NR3C2: variants seen among roughly 807,000 people sequenced by gnomAD.
NR3C2 encodes mineralocorticoid receptor.
A neutral mutation model predicts 86.4 loss-of-function variants in NR3C2; 15 were observed. The observed-to-expected ratio is 0.17, with a 90% CI of 0.12 to 0.27. NR3C2 has a LOEUF of 0.27. Among genes scored for constraint, NR3C2 ranks in the 10% least tolerant of loss-of-function variants. The pLI is 1.00. For synonymous variants in NR3C2, 458 were observed against 450.5 expected (o/e 1.02, Z -0.21); for missense variants, 960 against 1,195.6 (o/e 0.80, Z 2.91).
At chr4:148,147,733 A>C (rs2149759938) in intron 6 of NR3C2, among the ~76,000 whole-genome samples, 1 of 152,358 alleles carries the variant, frequency 6.6e-6, no homozygotes, top group Non-Finnish European at 1.5e-5. Context: ...TTTACACAAA[A>C]TGCCAGATTG....
chr4:148,123,140 T>A (rs191893386), intron 6 of NR3C2, among the ~76,000 whole-genome samples: 23 of 152,238 alleles, frequency 1.5e-4, no homozygotes, highest in Non-Finnish European at 1.6e-4. Flanking sequence ...TGGGAATGTA[T>A]GTCTTATGCG....
intron 6 of NR3C2, among the ~76,000 whole-genome samples, chr4:148,145,368 G>A (rs1187043250): frequency 3.3e-5 from 5 of 152,204 alleles, no homozygotes; most frequent in African/African-American, 9.6e-5. Context: ...GAGAAGGGAC[G>A]CAATCTCCCG....
At chr4:148,215,945 AT>A (rs540717776) in intron 3 of NR3C2, among the ~76,000 whole-genome samples, 2 of 151,144 alleles carry the variant, frequency 1.3e-5, no homozygotes. Flanking sequence ...ACGCCTAGCT[AT>A]TTTTTTTGTG....
chr4:148,288,573 T>C (rs749881658), intron 2 of NR3C2, among the ~76,000 whole-genome samples: 4 of 152,234 alleles, frequency 2.6e-5, no homozygotes, highest in Admixed American at 1.3e-4. Flanking sequence ...CGCCAGCCAA[T>C]TGCTCTGGAG....
At chr4:148,129,887 C>T (rs1051790388) in intron 6 of NR3C2, among the ~76,000 whole-genome samples, 1 of 152,138 alleles carries the variant, frequency 6.6e-6, no homozygotes, top group Non-Finnish European at 1.5e-5. Context: ...TGTAAGCCAC[C>T]GCACCCAGCC....
At position 148,442,242 on chromosome 4, in the gene NR3C2, C is replaced by A. The variant is rs1175960452; in HGVS notation, c.-85G>T. 2.0e-5 allele frequency: 3 copies of A among 153,014 alleles called. No individual in the cohort carries two copies. Among genetic ancestry groups the A allele is most frequent in the Non-Finnish European group, 4.4e-5 (3 of 68,624 alleles). 9.5% of individuals were successfully genotyped at this position (153,014 alleles called of 1,614,324 possible). A position where few individuals can be genotyped will look rare whatever the true frequency, so the allele number is the denominator to read the frequency against. On this transcript the variant is annotated 5_prime_UTR_variant, in exon 1 of 9. It adds an upstream start codon to the 5' untranslated region. Coordinates refer to ENST00000358102, the MANE Select transcript of NR3C2 (RefSeq NM_000901.5). ...ACGAAACCCCTGCTGCGGAGCCCCCCTAAATCCAACCACATCCAGGCCAGC... is the reference window on the plus strand; with the variant it reads ...ACGAAACCCCTGCTGCGGAGCCCCCATAAATCCAACCACATCCAGGCCAGC...
At chr4:148,325,997 T>C (rs1056993031) in intron 2 of NR3C2, among the ~76,000 whole-genome samples, 7 of 152,182 alleles carry the variant, frequency 4.6e-5, no homozygotes, top group Admixed American at 3.9e-4. Context: ...TCCCCAAAAA[T>C]ATACTTAATT....
chr4:148,377,330 G>A (rs1746730827), intron 2 of NR3C2, among the ~76,000 whole-genome samples: 1 of 152,132 alleles, frequency 6.6e-6, no homozygotes, highest in South Asian at 2.1e-4. Context: ...TGGCTAATGT[G>A]GAGAAGAAAA....
rs145738278 is a variant in NR3C2 at position 148,200,167 on chromosome 4, A to AGT, written c.1898-5307_1898-5306dup. 2.5e-3 allele frequency among the ~76,000 whole-genome samples: 382 copies of AGT among 152,324 alleles called. 5 individuals carry two copies. The highest frequency in any genetic ancestry group is 0.016 in the East Asian group (81 of 5,180). ...GGATGGGTAAAGAGGAGGAACAGACAGTGTCCACACAGTCTGGTAGCCCAG... is the reference window on the plus strand; with the variant it reads ...GGATGGGTAAAGAGGAGGAACAGACAGTGTGTCCACACAGTCTGGTAGCCCAG... On this transcript the variant is annotated intron_variant, in intron 3 of 8. Coordinates refer to ENST00000358102, the MANE Select transcript of NR3C2 (RefSeq NM_000901.5).
chr4:148,418,506 G>T (rs61758338), intron 2 of NR3C2, among the ~76,000 whole-genome samples: 1 of 152,060 alleles, frequency 6.6e-6, no homozygotes, highest in Admixed American at 6.5e-5. Context: ...CAAAGAACTA[G>T]AAGAATTTCC....
At chr4:148,132,183 A>G (rs1159151446) in intron 6 of NR3C2, among the ~76,000 whole-genome samples, 1 of 152,200 alleles carries the variant, frequency 6.6e-6, no homozygotes, top group African/African-American at 2.4e-5. Context: ...CAAAGTTAAA[A>G]TTGGGGGTAT....
At chr4:148,402,591 T>C (rs1748222746) in intron 2 of NR3C2, among the ~76,000 whole-genome samples, 1 of 152,230 alleles carries the variant, frequency 6.6e-6, no homozygotes, top group Admixed American at 6.5e-5. Flanking sequence ...TTAGAACATG[T>C]CTTCGATATT....
At chr4:148,095,791 G>A (rs1454882059) in intron 8 of NR3C2, among the ~76,000 whole-genome samples, 1 of 152,178 alleles carries the variant, frequency 6.6e-6, no homozygotes, top group Non-Finnish European at 1.5e-5. Flanking sequence ...GGGCTGGCTG[G>A]GATGGGAGGG....
chr4:148,337,446 T>C (rs1053678363), intron 2 of NR3C2, among the ~76,000 whole-genome samples: 7 of 152,226 alleles, frequency 4.6e-5, no homozygotes, highest in African/African-American at 7.2e-5. Context: ...ACTTCTGACA[T>C]AGAAGTTACA....
At position 148,435,898 on chromosome 4, in the gene NR3C2, C is replaced by A. The variant is rs529946671; in HGVS notation, c.963G>T (p.Thr321=). The A allele has an allele frequency of 1.1e-5, 18 of 1,614,122 alleles. No homozygotes were observed. In the South Asian group the frequency reaches 2.0e-4, roughly 18 times the overall value. ...SSPSNTNNRS[T]LSSPAASTVG... is the part of the protein sequence containing the mutation. ...CAGTACTGGCTGCCGGACTGGAAAG[C>A]GTGGATCTGTTATTAGTGTTCGAAG... The change falls in exon 2 of 9, where the codon ACG becomes ACT. Residue 321 remains threonine (T), a synonymous_variant. Coordinates refer to ENST00000358102, the MANE Select transcript of NR3C2 (RefSeq NM_000901.5).
intron 2 of NR3C2, among the ~76,000 whole-genome samples, chr4:148,379,060 C>T (rs1283630329): frequency 1.3e-5 from 2 of 152,042 alleles, no homozygotes. Context: ...CAATATGATA[C>T]ATGAAGATTA....
At chr4:148,114,822 G>A (rs1373276434) in intron 7 of NR3C2, among the ~76,000 whole-genome samples, 2 of 152,176 alleles carry the variant, frequency 1.3e-5, no homozygotes, top group Middle Eastern at 3.2e-3. Context: ...TCATTCTCAA[G>A]TTCAGATATT....
At chr4:148,312,694 A>G (rs1302376162) in intron 2 of NR3C2, among the ~76,000 whole-genome samples, 2 of 152,212 alleles carry the variant, frequency 1.3e-5, no homozygotes, top group Non-Finnish European at 2.9e-5. Flanking sequence ...CCTGTTAAAT[A>G]ATGTCACATT....
At chr4:148,366,656 G>T (rs1359218966) in intron 2 of NR3C2, among the ~76,000 whole-genome samples, 1 of 151,830 alleles carries the variant, frequency 6.6e-6, no homozygotes, top group South Asian at 2.1e-4. Flanking sequence ...CCTTGCATAC[G>T]AAGCAAAAAT....
Sources: allele counts gnomAD v4.1 joint callset (sites outside exome capture counted in the v4.1 genomes callset), GRCh38; gene constraint gnomAD v4.1.1; transcripts MANE v1.5; gene names NCBI Gene and HGNC (gene_info 2026-07-23, HGNC 2026-07-21).